The following WHRN variants were observed in gnomAD, a reference collection of about 807,000 sequenced individuals.
WHRN encodes the protein CASK-interacting protein CIP98.
A neutral mutation model predicts 68.3 loss-of-function variants in WHRN; 41 were observed. The ratio of observed to expected loss-of-function variants is 0.60; its 90% confidence interval spans 0.47 to 0.78. The LOEUF (loss-of-function observed/expected upper bound fraction) is 0.78, where lower values mean the gene tolerates loss of function less well. Among genes scored for constraint, WHRN ranks in the 30% least tolerant of loss-of-function variants. The pLI, the probability that WHRN is intolerant of heterozygous loss-of-function variation, is 0.00. For synonymous variants in WHRN, 560 were observed against 561.3 expected, an observed-to-expected ratio of 1.00 and a Z score of 0.03; for missense variants, 1,243 against 1,244.7, an observed-to-expected ratio of 1.00 and a Z score of 0.02.
intron 1 of WHRN, among the ~76,000 whole-genome samples, chr9:114,481,807 T>C (rs1842112151): frequency 6.6e-6 from 1 of 152,224 alleles, no homozygotes; most frequent in Non-Finnish European, 1.5e-5. Flanking sequence ...GGCTGCAGCC[T>C]GGTGAGAAAC....
intron 2 of WHRN, among the ~76,000 whole-genome samples, chr9:114,467,208 C>G: frequency 6.6e-6 from 1 of 152,108 alleles, no homozygotes; most frequent in Non-Finnish European, 1.5e-5. Flanking sequence ...GTCTTCTGCT[C>G]TGCCATCCAT....
chr9:114,408,063 A>C (rs1835168383), intron 7 of WHRN, 45 bp from the exon 8 acceptor site: 2 of 1,511,496 alleles, frequency 1.3e-6, no homozygotes, highest in East Asian at 4.8e-5. Context: ...GAAGCTGAGA[A>C]GGGAACACTG....
At chr9:114,412,193 G>C (rs1189976496) in intron 7 of WHRN, among the ~76,000 whole-genome samples, 1 of 152,210 alleles carries the variant, frequency 6.6e-6, no homozygotes, top group East Asian at 1.9e-4. Context: ...GGAGTCCCAA[G>C]TCCCCGAGCC....
intron 3 of WHRN, among the ~76,000 whole-genome samples, chr9:114,461,272 G>C (rs1279649950): frequency 1.3e-5 from 2 of 152,194 alleles, no homozygotes; most frequent in Non-Finnish European, 2.9e-5. Context: ...CATAAACAAA[G>C]TGAAAATCAT....
intron 1 of WHRN, among the ~76,000 whole-genome samples, chr9:114,502,810 C>T (rs1207573488): frequency 6.6e-6 from 1 of 152,168 alleles, no homozygotes; most frequent in East Asian, 1.9e-4. Context: ...AATTTATCAT[C>T]TGGGAACTCC....
rs1836490980 is a variant in WHRN, at chr9:114,423,348, C to G, written c.1592G>C (p.Ser531Thr). ...SYSDTGSSTG[S>T]HGTSTTVSSA... Reference sequence around the variant, plus strand: ...GCTGACGGTGGTGGAGGTGCCGTGGCTGCCTGTGGATGAACCCGTGTCACT... The same window carrying G: ...GCTGACGGTGGTGGAGGTGCCGTGGGTGCCTGTGGATGAACCCGTGTCACT... The change falls in exon 7 of 12, where the codon AGC becomes ACC. Residue 531 changes from serine (S) to threonine (T), a missense_variant. Transcript: ENST00000362057. The G allele has an allele frequency of 6.2e-7, 1 of 1,613,872 alleles. No individual in the cohort carries two copies. Among genetic ancestry groups the G allele is most frequent in the African/African-American group, 1.3e-5 (1 of 74,896 alleles).
chr9:114,414,355 T>C (rs1221365622), intron 7 of WHRN, among the ~76,000 whole-genome samples: 1 of 152,260 alleles, frequency 6.6e-6, no homozygotes, highest in Non-Finnish European at 1.5e-5. Flanking sequence ...ATATCAGGTA[T>C]TTCCTGATGT....
intron 1 of WHRN, 72 bp from the exon 2 acceptor site, chr9:114,478,843 C>T (rs1478002686): frequency 6.8e-7 from 1 of 1,479,276 alleles, no homozygotes; most frequent in Non-Finnish European, 9.2e-7. Context: ...CTCCCCTGGC[C>T]CAGACCTTGG....
At chr9:114,488,437 G>A (rs1359247384) in intron 1 of WHRN, among the ~76,000 whole-genome samples, 1 of 152,144 alleles carries the variant, frequency 6.6e-6, no homozygotes, top group African/African-American at 2.4e-5. Context: ...AAAAGGCAGG[G>A]CTTTTATACC....
intron 1 of WHRN, among the ~76,000 whole-genome samples, chr9:114,486,580 T>C (rs905786953): frequency 2.0e-5 from 3 of 152,080 alleles, no homozygotes; most frequent in African/African-American, 7.3e-5. Flanking sequence ...CTGTTCAAAT[T>C]AGGACACAGA....
At chr9:114,415,241 T>C (rs1294451347) in intron 7 of WHRN, among the ~76,000 whole-genome samples, 3 of 151,144 alleles carry the variant, frequency 2.0e-5, no homozygotes, top group Admixed American at 6.6e-5. Context: ...TTCAAGGCTG[T>C]AGTGAGCTAC....
At chr9:114,483,805 T>A (rs1038213448) in intron 1 of WHRN, among the ~76,000 whole-genome samples, 1 of 152,246 alleles carries the variant, frequency 6.6e-6, no homozygotes, top group African/African-American at 2.4e-5. Flanking sequence ...TGTCCCAAGT[T>A]AAACTTCTAT....
chr9:114,459,917 T>C (rs1172138632), intron 3 of WHRN, among the ~76,000 whole-genome samples: 1 of 152,200 alleles, frequency 6.6e-6, no homozygotes, highest in African/African-American at 2.4e-5. Context: ...TCCCCAGTGT[T>C]GGAGGTGGGG....
Position 114,443,274 on chromosome 9 carries a change from C to G in WHRN, c.964-16861G>C, listed in dbSNP as rs150883315. On this transcript the variant is annotated intron_variant, in intron 3 of 11. Coordinates refer to ENST00000362057, the MANE Select transcript of WHRN (RefSeq NM_015404.4). ...ACAAACTCAGTGGTTTAAAACAACA[C>G]GAATTTATTATCTTACAGTTCTGGG... Among the ~76,000 whole-genome samples the G allele has an allele frequency of 4.6e-5, 7 of 152,332 alleles. No individual in the cohort carries two copies. In the East Asian group the frequency reaches 1.3e-3, roughly 29 times the overall value.
chr9:114,407,656 G>A (rs1295419071), intron 8 of WHRN, among the ~76,000 whole-genome samples: 8 of 151,580 alleles, frequency 5.3e-5, no homozygotes, highest in Non-Finnish European at 1.2e-4. Flanking sequence ...CCACTTTACC[G>A]ACGGGGAAAC....
intron 3 of WHRN, among the ~76,000 whole-genome samples, chr9:114,427,667 C>A (rs1836999367): frequency 6.6e-6 from 1 of 152,212 alleles, no homozygotes; most frequent in South Asian, 2.1e-4. Context: ...AGAACCAAAA[C>A]CCTGCTCCCC....
At chr9:114,478,464 C>A in intron 2 of WHRN, 89 bp downstream of exon 2, 1 of 1,435,980 alleles carries the variant, frequency 7.0e-7, no homozygotes, top group Non-Finnish European at 9.8e-7. Flanking sequence ...CCAGCCTCTT[C>A]TTGCGGCCTC....
intron 3 of WHRN, among the ~76,000 whole-genome samples, chr9:114,445,888 C>T (rs936441859): frequency 6.6e-6 from 1 of 152,156 alleles, no homozygotes; most frequent in African/African-American, 2.4e-5. Flanking sequence ...TTAGAAACAG[C>T]TAAATGCCTG....
At chr9:114,503,717 G>C (rs1844134809) in intron 1 of WHRN, 1 of 167,028 alleles carries the variant, frequency 6.0e-6, no homozygotes, top group African/African-American at 2.4e-5. Flanking sequence ...AAAAACAGCA[G>C]CGTCAAGCCA....
Sources: gnomAD v4.1 joint callset for allele counts (sites outside exome capture counted in the v4.1 genomes callset) on GRCh38, gnomAD v4.1.1 for gene constraint, MANE v1.5 for transcripts, NCBI Gene and HGNC (gene_info 2026-07-23, HGNC 2026-07-21) for gene names.